Variants in KLHL4 observed in about 807,000 individuals in gnomAD.
KLHL4 encodes kelch-like protein 4.
A neutral mutation model predicts 45.8 loss-of-function variants in KLHL4; 17 were observed. That is an observed-to-expected ratio of 0.37 (90% CI 0.25 to 0.56). The LOEUF (loss-of-function observed/expected upper bound fraction) is 0.56. KLHL4 is among the 20% of genes least tolerant of loss of function. The probability of loss-of-function intolerance (pLI) is 0.79; values close to 1 mark genes in which losing one functional copy is unlikely to be tolerated. For synonymous variants in KLHL4, 224 were observed against 189.9 expected, an observed-to-expected ratio of 1.18 and a Z score of -1.47; for missense variants, 544 against 544.9, an observed-to-expected ratio of 1.00 and a Z score of 0.02.
In KLHL4 at chrX:87,587,647, G is replaced by A. The variant is rs1163749336; in HGVS notation, c.423-26230G>A. 4.5e-5 allele frequency among the ~76,000 whole-genome samples: 5 copies of A among 111,026 alleles called. No individual in the cohort carries two copies. The South Asian group carries it at 1.5e-3, about 33-fold the overall frequency. On this transcript the variant is annotated intron_variant, in intron 1 of 10. Transcript: ENST00000373119. ...TAAAACAACTGGGGATAGAGGGAAC[G>A]TATCTCAACATATTAATAGCCATAT...
In KLHL4 at chrX:87,600,279, T is replaced by C. The variant is rs368771741; in HGVS notation, c.423-13598T>C. Among the ~76,000 whole-genome samples, 88 of 110,538 alleles carry C rather than the reference T, an allele frequency of 8.0e-4. 1 individual carries two copies. Among genetic ancestry groups the C allele is most frequent in the African/African-American group, 2.8e-3 (85 of 30,402 alleles). The stretch of plus-strand genomic sequence containing the variant: ...AGGTGGGCGGATCACGAGGTCAGAT[T>C]GAGACCATCCTGGCTAACATGGCGA... On this transcript the variant is annotated intron_variant, in intron 1 of 10. Coordinates refer to ENST00000373119, the MANE Select transcript of KLHL4 (RefSeq NM_019117.5).
chrX:87,643,509 C>T (rs918798629), intron 9 of KLHL4, among the ~76,000 whole-genome samples: 2 of 111,485 alleles, frequency 1.8e-5, no homozygotes, highest in African/African-American at 6.5e-5. Context: ...ATTCTTTTGA[C>T]ACTATTCCAC....
intron 3 of KLHL4, among the ~76,000 whole-genome samples, chrX:87,617,094 CTA>C (rs1384941242): frequency 1.8e-5 from 2 of 111,570 alleles, no homozygotes; most frequent in Admixed American, 9.6e-5. Flanking sequence ...TTTGCAATAA[CTA>C]TTCAATAACA....
intron 9 of KLHL4, among the ~76,000 whole-genome samples, chrX:87,641,721 C>T (rs1351356733): frequency 9.0e-6 from 1 of 111,057 alleles, no homozygotes; most frequent in East Asian, 2.9e-4. Context: ...GGAGTGAGAT[C>T]AGCTCTTTGG....
chrX:87,611,056 A>G (rs1602442945), intron 1 of KLHL4, among the ~76,000 whole-genome samples: 1 of 111,412 alleles, frequency 9.0e-6, no homozygotes, highest in East Asian at 2.8e-4. Context: ...CCTGGGCAAC[A>G]CAGCGAGATT....
At chrX:87,570,313 G>A (rs1471760447) in intron 1 of KLHL4, among the ~76,000 whole-genome samples, 1 of 110,560 alleles carries the variant, frequency 9.0e-6, no homozygotes, top group East Asian at 2.8e-4. Context: ...GGTATCTGTA[G>A]TGGCCAGTTA....
chrX:87,529,575 A>G (rs1931199629), intron 1 of KLHL4, among the ~76,000 whole-genome samples: 1 of 111,322 alleles, frequency 9.0e-6, no homozygotes, highest in African/African-American at 3.3e-5. Context: ...TTTAATCTTG[A>G]TCTTTTATTA....
At chrX:87,633,938 A>G in intron 8 of KLHL4, 27 bp downstream of exon 8, 1 of 1,164,235 alleles carries the variant, frequency 8.6e-7, no homozygotes, top group Non-Finnish European at 1.2e-6. Context: ...ACACATGTTC[A>G]TTGCTCCCAG....
chrX:87,643,069 A>T (rs1923516552), intron 9 of KLHL4, among the ~76,000 whole-genome samples: 1 of 111,736 alleles, frequency 8.9e-6, no homozygotes, highest in African/African-American at 3.3e-5. Context: ...TTTATCACAA[A>T]AAGATCAGAG....
chrX:87,603,635 A>G (rs1416058684), intron 1 of KLHL4, among the ~76,000 whole-genome samples: 1 of 111,335 alleles, frequency 9.0e-6, no homozygotes, highest in Non-Finnish European at 1.9e-5. Context: ...TATATGTTAT[A>G]TAATGATCAA....
rs915367534 is a variant in KLHL4, at chrX:87,639,729, T to C, written c.1925+3954T>C. Among the ~76,000 whole-genome samples, 17 of 110,799 alleles carry C rather than the reference T, an allele frequency of 1.5e-4. No homozygotes were observed. In the Admixed American group the frequency reaches 1.5e-3, roughly 10 times the overall value. On this transcript the variant is annotated intron_variant, in intron 9 of 10. Transcript: ENST00000373119. ...AAAGTGGTTCTAAGAGGAAAGTTCATAGCATTGAATGCCTACATCAAAAAG... is the reference window on the plus strand; with the variant it reads ...AAAGTGGTTCTAAGAGGAAAGTTCACAGCATTGAATGCCTACATCAAAAAG...
intron 1 of KLHL4, among the ~76,000 whole-genome samples, chrX:87,568,689 C>T (rs1039349230): frequency 3.6e-5 from 4 of 110,995 alleles, no homozygotes; most frequent in African/African-American, 1.3e-4. Context: ...CAGAACTAAA[C>T]CCCATACATC....
rs1207005324 is a variant in KLHL4, at chrX:87,524,646, G to A, written c.422+6331G>A. 3.6e-5 allele frequency among the ~76,000 whole-genome samples: 4 copies of A among 111,284 alleles called. No individual in the cohort carries two copies. In the East Asian group the frequency reaches 1.1e-3, roughly 32 times the overall value. ...CTGTCACAATCAAGAAGAGCCAAAG[G>A]AGACATGAAATATAAATGTGATGTG... On this transcript the variant is annotated intron_variant, in intron 1 of 10. Transcript: ENST00000373119.
intron 1 of KLHL4, among the ~76,000 whole-genome samples, chrX:87,596,005 T>C (rs1430566183): frequency 2.7e-5 from 3 of 111,023 alleles, no homozygotes; most frequent in African/African-American, 9.8e-5. Context: ...TCTGGATACC[T>C]TTTTCATGAC....
chrX:87,637,976 C>A (rs1923323339), intron 9 of KLHL4, among the ~76,000 whole-genome samples: 1 of 110,875 alleles, frequency 9.0e-6, no homozygotes, highest in Non-Finnish European at 1.9e-5. Flanking sequence ...TACACACATA[C>A]ATAAAATAGA....
chrX:87,608,317 T>C (rs1157866533), intron 1 of KLHL4, among the ~76,000 whole-genome samples: 1 of 111,549 alleles, frequency 9.0e-6, no homozygotes, highest in Non-Finnish European at 1.9e-5. Context: ...TCATGCTACT[T>C]CTGTTCAAAA....
chrX:87,661,698 T>C (rs1043561769), intron 9 of KLHL4, among the ~76,000 whole-genome samples: 2 of 112,142 alleles, frequency 1.8e-5, no homozygotes, highest in Non-Finnish European at 3.8e-5. Flanking sequence ...TTTTCTGACA[T>C]AATTACACTC....
intron 3 of KLHL4, 52 bp from the exon 4 acceptor site, chrX:87,617,880 G>C: frequency 2.8e-6 from 3 of 1,055,058 alleles, no homozygotes; most frequent in Non-Finnish European, 3.8e-6. Flanking sequence ...AGTTGACGTA[G>C]TTTTTACTTT....
Position 87,635,769 on chromosome X carries a change from T to A in KLHL4, c.1919T>A (p.Val640Glu). 1 of 1,149,401 alleles carries A rather than the reference T, an allele frequency of 8.7e-7. No individual in the cohort carries two copies. Among genetic ancestry groups the A allele is most frequent in the South Asian group, 2.2e-5 (1 of 46,331 alleles). The allele number at this position is 1,149,401 out of a possible 1,213,427, so 94.7% of individuals were successfully genotyped here. ...SNHCSRLSDC[V>E]ERYDPKGDSW... is the part of the protein sequence containing the mutation. ...CATTGCTCCAGGCTTTCTGACTGTG[T>A]GGAACGGTAAGTTTTTTCTATTTCC... The change falls in exon 9 of 11, where the codon GTG becomes GAG. Residue 640 changes from valine to glutamate, a missense_variant. By Grantham distance (121) the Val-to-Glu change is moderately radical. Coordinates refer to ENST00000373119, the MANE Select transcript of KLHL4 (RefSeq NM_019117.5).
Sources: allele counts gnomAD v4.1 joint callset (sites outside exome capture counted in the v4.1 genomes callset), GRCh38; gene constraint gnomAD v4.1.1; transcripts MANE v1.5; gene names NCBI Gene and HGNC (gene_info 2026-07-23, HGNC 2026-07-21).